Variants in PCDH9 observed in about 807,000 individuals in gnomAD.
PCDH9 encodes protocadherin-9.
Under a neutral mutation model 70.6 loss-of-function variants are expected in PCDH9, and 24 were observed. The observed-to-expected ratio is 0.34, with a 90% CI of 0.25 to 0.48. The LOEUF (loss-of-function observed/expected upper bound fraction) is 0.48. PCDH9 is among the 20% of genes least tolerant of loss of function. The pLI is 0.99. For synonymous variants in PCDH9, 562 were observed against 558.5 expected, an observed-to-expected ratio of 1.01 and a Z score of -0.09; for missense variants, 1,281 against 1,503.6, an observed-to-expected ratio of 0.85 and a Z score of 2.45.
At chr13:66,773,417 A>C (rs1289378952) in intron 3 of PCDH9, among the ~76,000 whole-genome samples, 1 of 151,986 alleles carries the variant, frequency 6.6e-6, no homozygotes, top group Non-Finnish European at 1.5e-5. Context: ...TCGCGAGGTC[A>C]GGAGATAGAA....
At chr13:66,749,916 A>G (rs1171651384) in intron 3 of PCDH9, among the ~76,000 whole-genome samples, 2 of 152,184 alleles carry the variant, frequency 1.3e-5, no homozygotes, top group Non-Finnish European at 2.9e-5. Context: ...ACTTTCAAAC[A>G]TCATGGTGTA....
At chr13:67,023,506 A>G (rs2084720516) in intron 2 of PCDH9, among the ~76,000 whole-genome samples, 1 of 152,222 alleles carries the variant, frequency 6.6e-6, no homozygotes, top group African/African-American at 2.4e-5. Flanking sequence ...CAGATAATTG[A>G]AATGACACCC....
At chr13:66,945,201 TAAAAAGGC>T (rs1401826671) in intron 2 of PCDH9, among the ~76,000 whole-genome samples, 1 of 142,214 alleles carries the variant, frequency 7.0e-6, no homozygotes, top group Non-Finnish European at 1.5e-5. Flanking sequence ...CTTACCTGCC[TAAAAAGGC>T]AACATTTATT....
At chr13:67,008,111 T>G (rs767701925) in intron 2 of PCDH9, among the ~76,000 whole-genome samples, 1 of 152,236 alleles carries the variant, frequency 6.6e-6, no homozygotes, top group South Asian at 2.1e-4. Context: ...TTGCATAGAT[T>G]TGGAATAAGA....
At chr13:66,339,062 A>T (rs1956083629) in intron 4 of PCDH9, among the ~76,000 whole-genome samples, 1 of 152,076 alleles carries the variant, frequency 6.6e-6, no homozygotes, top group Non-Finnish European at 1.5e-5. Context: ...CTTTAGTTTC[A>T]GGAGACGAGT....
intron 2 of PCDH9, among the ~76,000 whole-genome samples, chr13:67,045,105 T>C (rs973945040): frequency 3.9e-5 from 6 of 152,102 alleles, no homozygotes; most frequent in African/African-American, 9.7e-5. Context: ...GACAGGTTTA[T>C]TCAGCTCTCC....
chr13:67,162,307 A>G (rs969772290), intron 2 of PCDH9, among the ~76,000 whole-genome samples: 1 of 152,228 alleles, frequency 6.6e-6, no homozygotes, highest in African/African-American at 2.4e-5. Flanking sequence ...AAGTATTTCA[A>G]AATACATGTC....
chr13:66,906,173 C>T (rs1211434602), intron 2 of PCDH9, among the ~76,000 whole-genome samples: 1 of 152,114 alleles, frequency 6.6e-6, no homozygotes, highest in Non-Finnish European at 1.5e-5. Flanking sequence ...CAGAGAAGAG[C>T]ATGCATAGAC....
intron 3 of PCDH9, among the ~76,000 whole-genome samples, chr13:66,828,322 G>A (rs748387594): frequency 1.3e-4 from 20 of 152,108 alleles, no homozygotes; most frequent in Admixed American, 5.9e-4. Context: ...TTCCACTGAT[G>A]TAACCATTGC....
At chr13:66,306,934 G>T (rs1955478495) in intron 4 of PCDH9, among the ~76,000 whole-genome samples, 1 of 151,940 alleles carries the variant, frequency 6.6e-6, no homozygotes, top group African/African-American at 2.4e-5. Flanking sequence ...AACACATTTT[G>T]CTTAAACCAA....
chr13:66,475,212 G>A (rs1958700242), intron 4 of PCDH9, among the ~76,000 whole-genome samples: 1 of 152,058 alleles, frequency 6.6e-6, no homozygotes, highest in African/African-American at 2.4e-5. Context: ...CTAGATACAA[G>A]ATTAGCAAAT....
chr13:66,366,714 C>T (rs1458558092), intron 4 of PCDH9, among the ~76,000 whole-genome samples: 1 of 151,942 alleles, frequency 6.6e-6, no homozygotes. Context: ...TAAATGTGTA[C>T]AGAGCTCCTA....
At chr13:66,691,845 G>A (rs2078491630) in intron 3 of PCDH9, among the ~76,000 whole-genome samples, 1 of 152,104 alleles carries the variant, frequency 6.6e-6, no homozygotes, top group African/African-American at 2.4e-5. Flanking sequence ...TGAAATCATG[G>A]TCAGTGCCTT....
chr13:66,755,367 T>C (rs1390949714), intron 3 of PCDH9, among the ~76,000 whole-genome samples: 3 of 152,156 alleles, frequency 2.0e-5, no homozygotes, highest in Admixed American at 2.0e-4. Flanking sequence ...CTGCAGGACA[T>C]AGTTGGAGAG....
chr13:66,421,431 G>T (rs962547454), intron 4 of PCDH9, among the ~76,000 whole-genome samples: 5 of 152,134 alleles, frequency 3.3e-5, no homozygotes, highest in Non-Finnish European at 5.9e-5. Flanking sequence ...TAGGGAAAAA[G>T]GTCTGGTTAC....
At chr13:66,452,663 C>A (rs946395825) in intron 4 of PCDH9, among the ~76,000 whole-genome samples, 1 of 152,060 alleles carries the variant, frequency 6.6e-6, no homozygotes, top group East Asian at 1.9e-4. Flanking sequence ...CTCCTGAATC[C>A]AAGAATGCAA....
intron 2 of PCDH9, among the ~76,000 whole-genome samples, chr13:67,028,106 A>T (rs888323734): frequency 6.6e-6 from 1 of 150,758 alleles, no homozygotes; most frequent in Non-Finnish European, 1.5e-5. Context: ...GCTGCTATAA[A>T]GACACATGCA....
intron 2 of PCDH9, among the ~76,000 whole-genome samples, chr13:66,969,411 C>T (rs2083481855): frequency 6.6e-6 from 1 of 151,950 alleles, no homozygotes; most frequent in Admixed American, 6.6e-5. Context: ...TATTCAGCAG[C>T]TTATATACTA....
intron 2 of PCDH9, among the ~76,000 whole-genome samples, chr13:67,079,085 G>A (rs112911227): frequency 1.4e-4 from 21 of 151,786 alleles, no homozygotes; most frequent in African/African-American, 4.6e-4. Flanking sequence ...CGAGGTGAGC[G>A]GATCACAAGG....
Sources: gnomAD v4.1 joint callset for allele counts (sites outside exome capture counted in the v4.1 genomes callset) on GRCh38, gnomAD v4.1.1 for gene constraint, MANE v1.5 for transcripts, NCBI Gene and HGNC (gene_info 2026-07-23, HGNC 2026-07-21) for gene names.